MORC3: variants seen among roughly 807,000 people sequenced by gnomAD.
MORC3 encodes the protein MORC family CW-type zinc finger 3, also known as MORC family CW-type zinc finger protein 3.
A neutral mutation model predicts 109.1 loss-of-function variants in MORC3; 31 were observed. The observed-to-expected ratio is 0.28, with a 90% CI of 0.21 to 0.38. MORC3 has a LOEUF of 0.38. Among genes scored for constraint, MORC3 ranks in the 10% least tolerant of loss-of-function variants. The probability of loss-of-function intolerance (pLI) is 1.00; values close to 1 mark genes in which losing one functional copy is unlikely to be tolerated. For synonymous variants in MORC3, 395 were observed against 380.7 expected (o/e 1.04, Z -0.44); for missense variants, 867 against 1,135.8 (o/e 0.76, Z 3.40).
chr21:36,339,127 AT>A (rs35718999), intron 5 of MORC3: 328 of 505,138 alleles, frequency 6.5e-4, no homozygotes, highest in South Asian at 1.1e-3. Context: ...GTTAAAAAAA[AT>A]TTTTTTTTGA....
intron 5 of MORC3, among the ~76,000 whole-genome samples, chr21:36,340,941 T>G (rs761897652): frequency 6.6e-6 from 1 of 152,180 alleles, no homozygotes; most frequent in Non-Finnish European, 1.5e-5. Context: ...CCAGCCAGTT[T>G]GCACTTTTTT....
chr21:36,362,158 C>T (rs770447068), intron 12 of MORC3, 25 bp from the exon 13 acceptor site: 2 of 1,609,014 alleles, frequency 1.2e-6, no homozygotes, highest in South Asian at 2.2e-5. Context: ...GAAATAACAA[C>T]ATGTTTTTCA....
Position 36,369,675 on chromosome 21 carries a change from G to A in MORC3, c.2307G>A (p.Met769Ile), listed in dbSNP as rs1355969262. The A allele has an allele frequency of 1.3e-5, 21 of 1,614,194 alleles. No individual in the cohort carries two copies. The highest frequency in any genetic ancestry group is 1.7e-5 in the Non-Finnish European group (20 of 1,180,036). Residue 769 changes from methionine to isoleucine, a missense_variant, in exon 15 of 17, where the codon ATG becomes ATA. Transcript: ENST00000400485. Reference protein sequence around the residue: ...INGKSESPDHMVSQYQQALEE... With the variant: ...INGKSESPDHIVSQYQQALEE... ...GCAAATCTGAAAGTCCAGACCATAT[G>A]GTATCTCAGTATCAGCAAGCTTTGG...
At chr21:36,336,821 A>G in intron 2 of MORC3, 53 bp from the exon 3 acceptor site, 1 of 1,527,876 alleles carries the variant, frequency 6.5e-7, no homozygotes, top group African/African-American at 1.4e-5. Context: ...TTCTGAACTA[A>G]TTGCTCTTTT....
rs574413331 is a variant in MORC3 at position 36,358,829 on chromosome 21, G to A, written c.1209-1126G>A. On this transcript the variant is annotated intron_variant, in intron 10 of 16. Transcript: ENST00000400485. ...TGAATAGCTGGGACTACAGGAACCC[G>A]CCATCACGCATGGCTTATTTTTTGT... 1.9e-3 allele frequency among the ~76,000 whole-genome samples: 283 copies of A among 151,936 alleles called. 1 individual carries two copies. Among genetic ancestry groups the A allele is most frequent in the African/African-American group, 6.2e-3 (255 of 41,442 alleles).
chr21:36,364,123 G>A lies in MORC3; in HGVS notation c.1483G>A (p.Ala495Thr). The stretch of plus-strand genomic sequence containing the variant: ...TGCTGAACTGTTGTTTCGGCCAACT[G>A]CTCTTTCAACTCCAAGCTTTTCTTC... ...INAELLFRPT[A>T]LSTPSFSSPK... is the part of the protein sequence containing the mutation. Residue 495 changes from alanine to threonine, a missense_variant, in exon 14 of 17, where the codon GCT becomes ACT. Transcript: ENST00000400485. 6.2e-7 allele frequency: 1 copy of A among 1,614,058 alleles called. No individual in the cohort carries two copies.
At chr21:36,364,964 A>G (rs922725936) in intron 14 of MORC3, among the ~76,000 whole-genome samples, 1 of 148,188 alleles carries the variant, frequency 6.7e-6, no homozygotes, top group Non-Finnish European at 1.5e-5. Flanking sequence ...AGGCAAGAGA[A>G]TCGCTTGAAC....
chr21:36,356,575 T>C (rs930397497), intron 9 of MORC3, 45 bp from the exon 10 acceptor site: 5 of 1,279,076 alleles, frequency 3.9e-6, no homozygotes, highest in Non-Finnish European at 5.4e-6. Context: ...TTATGATTTA[T>C]GTTTGAAAAG....
chr21:36,325,221 A>T (rs1489248589), intron 1 of MORC3, among the ~76,000 whole-genome samples: 1 of 152,218 alleles, frequency 6.6e-6, no homozygotes, highest in Non-Finnish European at 1.5e-5. Context: ...TTTAAAAAGT[A>T]ATTTTAAAAA....
rs149782042 is a variant in MORC3 at position 36,323,843 on chromosome 21, T to G, written c.39+3540T>G. 7.4e-3 allele frequency among the ~76,000 whole-genome samples: 1,130 copies of G among 152,132 alleles called. 17 individuals are homozygous for G. Among genetic ancestry groups the G allele is most frequent in the Non-Finnish European group, 7.7e-3 (522 of 67,990 alleles). ...TTATTGTTTTTCCTCTTGGGGGATT[T>G]CCTCTACTTATCTCCTACCTTGCTC... On this transcript the variant is annotated intron_variant, in intron 1 of 16. Transcript: ENST00000400485.
At position 36,338,008 on chromosome 21, in the gene MORC3, C is replaced by G. The variant is rs139641289; in HGVS notation, c.460+62C>G. On this transcript the variant is annotated intron_variant, in intron 4 of 16. Coordinates refer to ENST00000400485, the MANE Select transcript of MORC3 (RefSeq NM_015358.3). ...ACTGAAGAAATAATTTGGAAACATT[C>G]TATGTTTTTGCCTTCTTCCAGATTA... is the stretch of plus-strand genomic sequence containing the variant. The G allele has an allele frequency of 8.8e-3, 13,660 of 1,548,306 alleles. 88 individuals carry two copies. The highest frequency in any genetic ancestry group is 0.017 in the Middle Eastern group (99 of 5,834).
At chr21:36,336,602 T>A (rs1051409415) in intron 2 of MORC3, among the ~76,000 whole-genome samples, 1 of 152,200 alleles carries the variant, frequency 6.6e-6, no homozygotes, top group Non-Finnish European at 1.5e-5. Context: ...TGTACTTCTT[T>A]GGTGTGCTGG....
In MORC3 at chr21:36,327,585, A is replaced by T. The variant is rs562274169; in HGVS notation, c.40-6061A>T. ...AAAGCAGAAACAAAGAACAAAAAGC[A>T]GATACGTCATTTCAAAGTTAAAAAC... On this transcript the variant is annotated intron_variant, in intron 1 of 16. Transcript: ENST00000400485. Among the ~76,000 whole-genome samples the T allele has an allele frequency of 4.0e-5, 6 of 151,532 alleles. No individual in the cohort carries two copies. In the South Asian group the frequency reaches 1.2e-3, roughly 31 times the overall value.
At chr21:36,370,664 T>C (rs1601543250) in intron 15 of MORC3, among the ~76,000 whole-genome samples, 2 of 123,496 alleles carry the variant, frequency 1.6e-5, no homozygotes, top group Admixed American at 1.8e-4. Context: ...TTTTTTTTTT[T>C]TTTTTTTCTT....
intron 6 of MORC3, among the ~76,000 whole-genome samples, chr21:36,343,585 A>G (rs2085475778): frequency 6.6e-6 from 1 of 151,478 alleles, no homozygotes; most frequent in Non-Finnish European, 1.5e-5. Flanking sequence ...AGTAGCCAGG[A>G]CTACAAGCAT....
chr21:36,325,368 A>G (rs1160344693), intron 1 of MORC3, among the ~76,000 whole-genome samples: 1 of 152,218 alleles, frequency 6.6e-6, no homozygotes, highest in Non-Finnish European at 1.5e-5. Context: ...TCTGGCTGCT[A>G]GCTCTTGGAA....
intron 16 of MORC3, among the ~76,000 whole-genome samples, 180 bp downstream of exon 16, chr21:36,372,711 A>C (rs2085884568): frequency 6.6e-6 from 1 of 152,218 alleles, no homozygotes; most frequent in African/African-American, 2.4e-5. Context: ...CTTCCTTTCC[A>C]GTTTCTGACC....
Position 36,320,545 on chromosome 21 carries a change from G to A in MORC3, c.39+242G>A, listed in dbSNP as rs143843345. On this transcript the variant is annotated intron_variant, in intron 1 of 16. Transcript: ENST00000400485. ...TTGCTTCGGGGCGGGCCAGGGTCGCGGCTCCTCCTCCCAGCTCCCTCCTAG... is the reference window on the plus strand; with the variant it reads ...TTGCTTCGGGGCGGGCCAGGGTCGCAGCTCCTCCTCCCAGCTCCCTCCTAG... 4.8e-3 allele frequency: 1,661 copies of A among 348,364 alleles called. 16 individuals carry two copies. The highest frequency in any genetic ancestry group is 0.032 in the African/African-American group (1,505 of 46,422). The allele number at this position is 348,364 out of a possible 1,614,324, so 21.6% of individuals were successfully genotyped here.
rs541677197 is a variant in MORC3 at position 36,344,836 on chromosome 21, T to TA, written c.886-75dup. ...GCCCTCCTTTGTGTGCTTTTGGACTTACCAAATAATGAAATAGAAAGGATG... is the reference window on the plus strand; with the variant it reads ...GCCCTCCTTTGTGTGCTTTTGGACTTAACCAAATAATGAAATAGAAAGGATG... On this transcript the variant is annotated intron_variant, in intron 7 of 16. Coordinates refer to ENST00000400485, the MANE Select transcript of MORC3 (RefSeq NM_015358.3). 634 of 1,601,546 alleles carry TA rather than the reference T, an allele frequency of 4.0e-4. No individual in the cohort carries two copies. In the African/African-American group the frequency reaches 7.1e-3, roughly 18 times the overall value.
Sources: allele counts gnomAD v4.1 joint callset (sites outside exome capture counted in the v4.1 genomes callset), GRCh38; gene constraint gnomAD v4.1.1; transcripts MANE v1.5; gene names NCBI Gene and HGNC (gene_info 2026-07-23, HGNC 2026-07-21).